COP1: variants seen among roughly 807,000 people sequenced by gnomAD.
The protein encoded by COP1 is COP1 E3 ubiquitin ligase, also known as E3 ubiquitin-protein ligase COP1.
In COP1, 24 loss-of-function variants were observed where a neutral mutation model predicts 101.3. The observed-to-expected ratio is 0.24, with a 90% CI of 0.17 to 0.33. COP1 has a LOEUF of 0.33. Ranked by LOEUF, COP1 falls within the 10% of genes least tolerant of loss-of-function variation. The pLI is 1.00. For synonymous variants in COP1, 347 were observed against 341.9 expected, an observed-to-expected ratio of 1.01 and a Z score of -0.17; for missense variants, 663 against 906.2, an observed-to-expected ratio of 0.73 and a Z score of 3.45.
chr1:176,026,409 C>T (rs1667668494), intron 15 of COP1, among the ~76,000 whole-genome samples: 1 of 151,894 alleles, frequency 6.6e-6, no homozygotes, highest in Non-Finnish European at 1.5e-5. Flanking sequence ...CTCATAACAG[C>T]CCCAAACAGC....
At chr1:176,176,783 G>A (rs1160128478) in intron 2 of COP1, among the ~76,000 whole-genome samples, 1 of 151,556 alleles carries the variant, frequency 6.6e-6, no homozygotes, top group East Asian at 2.0e-4. Context: ...ACTCCAGCCT[G>A]AGTGACGGAA....
Position 176,025,720 on chromosome 1 carries a change from T to C in COP1, c.1729+1852A>G, listed in dbSNP as rs139436166. On this transcript the variant is annotated intron_variant, in intron 15 of 19. Coordinates refer to ENST00000367669, the MANE Select transcript of COP1 (RefSeq NM_022457.7). ...GCCTGAGCAACATGGCAAAACCTCA[T>C]CTCTACGAAAAATACAAAAATTAGC... Among the ~76,000 whole-genome samples, 7 of 151,900 alleles carry C rather than the reference T, an allele frequency of 4.6e-5. No homozygotes were observed. In the East Asian group the frequency reaches 1.2e-3, roughly 25 times the overall value.
At position 176,099,069 on chromosome 1, in the gene COP1, T is replaced by C. The variant is rs567495982; in HGVS notation, c.1027-13179A>G. Among the ~76,000 whole-genome samples the C allele has an allele frequency of 2.2e-4, 33 of 152,362 alleles. 1 individual carries two copies. The South Asian group carries it at 2.3e-3, about 11-fold the overall frequency. On this transcript the variant is annotated intron_variant, in intron 9 of 19. Coordinates refer to ENST00000367669, the MANE Select transcript of COP1 (RefSeq NM_022457.7). ...TAATTAAGGTTGTTATGTTAAGTTA[T>C]TGTAAACCACAGAGATAATCAAACT...
At chr1:176,183,008 C>T (rs1206607547) in intron 2 of COP1, among the ~76,000 whole-genome samples, 1 of 152,142 alleles carries the variant, frequency 6.6e-6, no homozygotes, top group Non-Finnish European at 1.5e-5. Context: ...ATTACATCTT[C>T]CTGTACAATG....
At chr1:176,192,002 G>A (rs1270626673) in intron 1 of COP1, among the ~76,000 whole-genome samples, 9 of 152,078 alleles carry the variant, frequency 5.9e-5, no homozygotes, top group Admixed American at 3.3e-4. Flanking sequence ...TCAGAAGTTC[G>A]AAAAGGATGA....
At chr1:176,030,035 T>A (rs957789959) in intron 14 of COP1, among the ~76,000 whole-genome samples, 2 of 152,120 alleles carry the variant, frequency 1.3e-5, no homozygotes, top group Non-Finnish European at 2.9e-5. Flanking sequence ...CACTGCAGCC[T>A]TGGACTCCTG....
chr1:175,955,784 ACACAC>A (rs1650567447), intron 18 of COP1, among the ~76,000 whole-genome samples: 1 of 151,396 alleles, frequency 6.6e-6, no homozygotes. Flanking sequence ...ACACACACAC[ACACAC>A]ACACACACAC....
chr1:176,034,992 C>A (rs540218484), intron 14 of COP1, among the ~76,000 whole-genome samples: 3 of 152,208 alleles, frequency 2.0e-5, no homozygotes, highest in African/African-American at 7.2e-5. Context: ...TTAAACAGGA[C>A]CCAACATCTT....
rs557878670 is a variant in COP1, at chr1:176,129,290, G to C, written c.968+5720C>G. On this transcript the variant is annotated intron_variant, in intron 8 of 19. Transcript: ENST00000367669. ...AAAATTACAGAAATACAAATAAAAG[G>C]TATGTCTCAAAAATGTCTGATAGAG... Among the ~76,000 whole-genome samples the C allele has an allele frequency of 1.3e-4, 19 of 151,670 alleles. No homozygotes were observed. The South Asian group carries it at 3.9e-3, about 32-fold the overall frequency.
intron 1 of COP1, among the ~76,000 whole-genome samples, chr1:176,194,923 T>TA (rs35351772): frequency 0.47 from 67,540 of 143,814 alleles, 15,696 homozygotes; most frequent in Admixed American, 0.55. Flanking sequence ...AAAATAAAAT[T>TA]AAAAAAAAAA....
intron 15 of COP1, among the ~76,000 whole-genome samples, chr1:175,994,216 G>T (rs192126324): frequency 1.3e-5 from 2 of 152,112 alleles, no homozygotes; most frequent in Admixed American, 1.3e-4. Flanking sequence ...TCACCACCAG[G>T]CCTGCCCTAA....
Position 176,154,549 on chromosome 1 carries a change from C to T in COP1, c.763-5475G>A, listed in dbSNP as rs959146757. On this transcript the variant is annotated intron_variant, in intron 5 of 19. Transcript: ENST00000367669. ...CTAACACAGGACGAAAACCAAATAC[C>T]ACATGTTCTCACTTACAAGTGAGAA... Among the ~76,000 whole-genome samples, 6 of 152,094 alleles carry T rather than the reference C, an allele frequency of 3.9e-5. No individual in the cohort carries two copies. The East Asian group carries it at 1.2e-3, about 29-fold the overall frequency.
rs1407685666 is a variant in COP1 at position 176,196,780 on chromosome 1, CT to C, written c.407+9791del. Among the ~76,000 whole-genome samples, 10 of 151,960 alleles carry C rather than the reference CT, an allele frequency of 6.6e-5. No individual in the cohort carries two copies. In the East Asian group the frequency reaches 1.9e-3, roughly 30 times the overall value. On this transcript the variant is annotated intron_variant, in intron 1 of 19. Coordinates refer to ENST00000367669, the MANE Select transcript of COP1 (RefSeq NM_022457.7). ...ACTGGCCAGGCACAGTGGTTCATGC[CT>C]ATAATCCCAGCACTTTGAGAGGTCA...
chr1:176,041,450 C>T (rs1670520312), intron 14 of COP1, among the ~76,000 whole-genome samples: 1 of 151,372 alleles, frequency 6.6e-6, no homozygotes, highest in Non-Finnish European at 1.5e-5. Context: ...TAGGTTCGAA[C>T]AATTCTTGTG....
intron 8 of COP1, among the ~76,000 whole-genome samples, chr1:176,134,488 T>C (rs913536938): frequency 1.3e-5 from 2 of 151,944 alleles, no homozygotes. Context: ...ATGACAAATA[T>C]AACCCTATAC....
At chr1:176,022,559 C>T (rs1051534954) in intron 15 of COP1, among the ~76,000 whole-genome samples, 1 of 152,088 alleles carries the variant, frequency 6.6e-6, no homozygotes, top group Non-Finnish European at 1.5e-5. Context: ...AGATGACAGG[C>T]TACATTTTAA....
chr1:176,185,151 G>A (rs537543018), intron 1 of COP1, among the ~76,000 whole-genome samples: 14 of 151,940 alleles, frequency 9.2e-5, no homozygotes, highest in African/African-American at 3.4e-4. Context: ...AATGCTTGTA[G>A]GTAATGACAA....
chr1:176,133,704 A>C, intron 8 of COP1: 2 of 351,368 alleles, frequency 5.7e-6, no homozygotes, highest in East Asian at 1.5e-4. Flanking sequence ...AATCAGTGAG[A>C]GACTGAGTAA....
chr1:176,197,453 G>A (rs996127232), intron 1 of COP1, among the ~76,000 whole-genome samples: 5 of 152,018 alleles, frequency 3.3e-5, no homozygotes, highest in African/African-American at 4.8e-5. Context: ...AGAAGAAACC[G>A]AATCTGCCTA....
Sources: gnomAD v4.1 joint callset for allele counts (sites outside exome capture counted in the v4.1 genomes callset) on GRCh38, gnomAD v4.1.1 for gene constraint, MANE v1.5 for transcripts, NCBI Gene and HGNC (gene_info 2026-07-23, HGNC 2026-07-21) for gene names.